TMEM131L: variants seen among roughly 807,000 people sequenced by gnomAD.
TMEM131L encodes the protein transmembrane 131 like.
Under a neutral mutation model 192.2 loss-of-function variants are expected in TMEM131L, and 54 were observed. The ratio of observed to expected loss-of-function variants is 0.28; its 90% CI spans 0.23 to 0.35. TMEM131L has a LOEUF of 0.35. Among genes scored for constraint, TMEM131L ranks in the 10% least tolerant of loss-of-function variants. TMEM131L has a pLI of 1.00. For missense variants in TMEM131L, 1,888 were observed against 1,972.9 expected (o/e 0.96, Z 0.82); for synonymous variants, 701 against 704.9 (o/e 0.99, Z 0.09).
At chr4:153,521,892 T>C (rs1000909443) in intron 3 of TMEM131L, among the ~76,000 whole-genome samples, 1 of 151,962 alleles carries the variant, frequency 6.6e-6, no homozygotes, top group African/African-American at 2.4e-5. Flanking sequence ...AACATCATGT[T>C]GTTATTACAC....
intron 11 of TMEM131L, among the ~76,000 whole-genome samples, chr4:153,584,097 T>G (rs1465981038): frequency 6.6e-6 from 1 of 152,236 alleles, no homozygotes; most frequent in Non-Finnish European, 1.5e-5. Context: ...ATAAGAAATG[T>G]GTGTTTGTTA....
intron 11 of TMEM131L, among the ~76,000 whole-genome samples, chr4:153,584,552 G>T (rs1230613371): frequency 6.6e-6 from 1 of 152,104 alleles, no homozygotes; most frequent in Non-Finnish European, 1.5e-5. Context: ...TTCCTTTCTT[G>T]CTCGTGCCTC....
In TMEM131L at chr4:153,585,581, T is replaced by C. The variant is rs1730647905; in HGVS notation, c.1281T>C (p.Phe427=). Residue 427 remains phenylalanine (F), a synonymous_variant, in exon 13 of 35, where the codon TTT becomes TTC. Transcript: ENST00000409959. ...FDRSVVLNDV[F]LSKETKHMLK... is the part of the protein sequence containing the mutation. ...GTAGTGTTGTATTAAATGATGTGTTTCTTTCCAAGGAGACCAAGCACATGT... is the reference window on the plus strand; with the variant it reads ...GTAGTGTTGTATTAAATGATGTGTTCCTTTCCAAGGAGACCAAGCACATGT... 1 of 1,613,800 alleles carries C rather than the reference T, an allele frequency of 6.2e-7. No homozygotes were observed. Among genetic ancestry groups the C allele is most frequent in the Admixed American group, 1.7e-5 (1 of 59,968 alleles).
chr4:153,632,974 C>T (rs952007556), intron 32 of TMEM131L, 136 bp downstream of exon 32: 56 of 952,052 alleles, frequency 5.9e-5, no homozygotes, highest in Non-Finnish European at 8.2e-5. Flanking sequence ...CTGTGCGTTT[C>T]CTTCTGCCTT....
At chr4:153,604,556 T>C (rs1732083856) in intron 25 of TMEM131L, 126 bp downstream of exon 25, 3 of 971,906 alleles carry the variant, frequency 3.1e-6, no homozygotes, top group Non-Finnish European at 3.0e-6. Context: ...GGTTTAAATA[T>C]TGAAAAAAGA....
chr4:153,567,843 C>A (rs1456465859), intron 7 of TMEM131L, among the ~76,000 whole-genome samples: 1 of 152,062 alleles, frequency 6.6e-6, no homozygotes, highest in Non-Finnish European at 1.5e-5. Context: ...AAGCCCAGCC[C>A]CCAGGCTGCT....
chr4:153,502,185 C>T (rs573239100), intron 3 of TMEM131L, among the ~76,000 whole-genome samples: 3 of 152,086 alleles, frequency 2.0e-5, no homozygotes, highest in Non-Finnish European at 2.9e-5. Context: ...CTCAAGCAGT[C>T]CTCCCACCTT....
At chr4:153,628,808 C>T (rs1283079365) in intron 31 of TMEM131L, among the ~76,000 whole-genome samples, 1 of 152,184 alleles carries the variant, frequency 6.6e-6, no homozygotes, top group Non-Finnish European at 1.5e-5. Flanking sequence ...TGCCGTTCTG[C>T]TTTGCTATCA....
At chr4:153,537,121 C>T (rs533367157) in intron 3 of TMEM131L, among the ~76,000 whole-genome samples, 4 of 152,302 alleles carry the variant, frequency 2.6e-5, no homozygotes, top group Admixed American at 6.5e-5. Flanking sequence ...ACTCTGCATC[C>T]TTCAATCAAG....
intron 3 of TMEM131L, among the ~76,000 whole-genome samples, chr4:153,491,476 A>AT (rs1732774908): frequency 6.6e-6 from 1 of 152,078 alleles, no homozygotes; most frequent in South Asian, 2.1e-4. Flanking sequence ...GGTCCTTATC[A>AT]GTTTTTTTTG....
chr4:153,626,334 T>C, intron 30 of TMEM131L, 109 bp downstream of exon 30: 1 of 682,378 alleles, frequency 1.5e-6, no homozygotes, highest in Non-Finnish European at 2.5e-6. Context: ...ATATGAAAAC[T>C]TTTTAAAGAT....
At chr4:153,487,228 TC>T (rs1280918729) in intron 3 of TMEM131L, among the ~76,000 whole-genome samples, 1 of 152,154 alleles carries the variant, frequency 6.6e-6, no homozygotes, top group African/African-American at 2.4e-5. Flanking sequence ...GTAGAAATAG[TC>T]TTGTAGGTAA....
chr4:153,518,305 G>A (rs779056497), intron 3 of TMEM131L, among the ~76,000 whole-genome samples: 1 of 152,274 alleles, frequency 6.6e-6, no homozygotes, highest in Middle Eastern at 3.4e-3. Context: ...ATGCTGCTGC[G>A]CATTTCGAAA....
chr4:153,599,064 T>C (rs529426725), intron 21 of TMEM131L, among the ~76,000 whole-genome samples: 1 of 152,252 alleles, frequency 6.6e-6, no homozygotes, highest in Admixed American at 6.5e-5. Flanking sequence ...AGAGTTTTAA[T>C]TGGCTCATGG....
At chr4:153,521,682 A>G (rs943442110) in intron 3 of TMEM131L, among the ~76,000 whole-genome samples, 5 of 151,450 alleles carry the variant, frequency 3.3e-5, no homozygotes, top group African/African-American at 9.7e-5. Context: ...ATAACTCCTC[A>G]TTCCTCCCTC....
chr4:153,575,096 A>T (rs981863058), intron 7 of TMEM131L, among the ~76,000 whole-genome samples: 2 of 152,200 alleles, frequency 1.3e-5, no homozygotes, highest in Non-Finnish European at 2.9e-5. Context: ...ATTAATATAG[A>T]TTCTCAAATA....
At chr4:153,565,153 A>G (rs1261414436) in intron 7 of TMEM131L, among the ~76,000 whole-genome samples, 1 of 152,146 alleles carries the variant, frequency 6.6e-6, no homozygotes, top group East Asian at 1.9e-4. Flanking sequence ...AGAGTCTTGG[A>G]TGTCTCTCTC....
At chr4:153,621,380 G>A (rs1733398245) in intron 27 of TMEM131L, among the ~76,000 whole-genome samples, 1 of 152,168 alleles carries the variant, frequency 6.6e-6, no homozygotes, top group Non-Finnish European at 1.5e-5. Context: ...AGGAAGTGAG[G>A]TACCCAGACA....
intron 25 of TMEM131L, among the ~76,000 whole-genome samples, chr4:153,605,587 T>C (rs1732172451): frequency 6.6e-6 from 1 of 152,224 alleles, no homozygotes; most frequent in South Asian, 2.1e-4. Flanking sequence ...CAGGCTGAGC[T>C]CGAGCAATCT....
Sources: gnomAD v4.1 joint callset for allele counts (sites outside exome capture counted in the v4.1 genomes callset) on GRCh38, gnomAD v4.1.1 for gene constraint, MANE v1.5 for transcripts, NCBI Gene and HGNC (gene_info 2026-07-23, HGNC 2026-07-21) for gene names.